The following NEBL variants were observed in gnomAD, a reference collection of about 807,000 sequenced individuals.
NEBL encodes LIM and SH3 protein 2.
A neutral mutation model predicts 140.2 loss-of-function variants in NEBL; 122 were observed. That is an observed-to-expected ratio of 0.87 (90% CI 0.75 to 1.01). The LOEUF (loss-of-function observed/expected upper bound fraction) is 1.01, where lower values mean the gene tolerates loss of function less well. Ranked by LOEUF, NEBL falls within the 50% of genes least tolerant of loss-of-function variation. The pLI, the probability that NEBL is intolerant of heterozygous loss-of-function variation, is 0.00. For missense variants in NEBL, 1,365 were observed against 1,231.3 expected (o/e 1.11, Z -1.62); for synonymous variants, 436 against 398.9 (o/e 1.09, Z -1.11).
intron 1 of NEBL, among the ~76,000 whole-genome samples, chr10:21,261,569 C>T (rs1304132929): frequency 6.6e-6 from 1 of 151,666 alleles, no homozygotes; most frequent in African/African-American, 2.4e-5. Context: ...ATTGCTTAGG[C>T]CCGGGAGGCT....
chr10:21,099,087 C>T (rs1209041026), intron 2 of NEBL, among the ~76,000 whole-genome samples: 7 of 152,286 alleles, frequency 4.6e-5, no homozygotes, highest in African/African-American at 1.4e-4. Flanking sequence ...GAGCCATGAT[C>T]GTGCCACTGC....
chr10:20,974,898 G>A (rs1273038840), intron 3 of NEBL, among the ~76,000 whole-genome samples: 1 of 152,148 alleles, frequency 6.6e-6, no homozygotes, highest in South Asian at 2.1e-4. Context: ...CCCAAACTTT[G>A]TTAACATTAT....
At chr10:20,802,161 C>T (rs1215847708) in intron 26 of NEBL, among the ~76,000 whole-genome samples, 1 of 152,094 alleles carries the variant, frequency 6.6e-6, no homozygotes, top group Non-Finnish European at 1.5e-5. Context: ...ACTTTCAATA[C>T]CAGAAAACTG....
At chr10:20,825,222 A>AC (rs1020535690) in intron 18 of NEBL, among the ~76,000 whole-genome samples, 6 of 152,206 alleles carry the variant, frequency 3.9e-5, no homozygotes, top group African/African-American at 1.4e-4. Context: ...CTGCATAATG[A>AC]CCAAGTGACC....
intron 2 of NEBL, among the ~76,000 whole-genome samples, chr10:21,112,214 A>G (rs1054744745): frequency 6.6e-6 from 1 of 152,220 alleles, no homozygotes; most frequent in Non-Finnish European, 1.5e-5. Flanking sequence ...TAGAAATACC[A>G]TTTGACCCAG....
chr10:20,952,294 G>T (rs1046971057), intron 4 of NEBL, among the ~76,000 whole-genome samples: 2 of 151,960 alleles, frequency 1.3e-5, no homozygotes, highest in African/African-American at 4.8e-5. Flanking sequence ...AAAATTAGCT[G>T]GGCGTGGTGC....
intron 5 of NEBL, among the ~76,000 whole-genome samples, chr10:20,870,954 A>G (rs1490287152): frequency 1.3e-5 from 2 of 152,238 alleles, no homozygotes; most frequent in Non-Finnish European, 2.9e-5. Context: ...TTCACTGGTC[A>G]GCTCACTTCT....
At chr10:21,111,150 T>C (rs1837992623) in intron 2 of NEBL, among the ~76,000 whole-genome samples, 1 of 152,164 alleles carries the variant, frequency 6.6e-6, no homozygotes, top group Non-Finnish European at 1.5e-5. Flanking sequence ...ATCAATATCA[T>C]GAAAATGACC....
At chr10:20,979,618 T>C (rs1257017864) in intron 3 of NEBL, among the ~76,000 whole-genome samples, 1 of 152,232 alleles carries the variant, frequency 6.6e-6, no homozygotes, top group African/African-American at 2.4e-5. Flanking sequence ...ATTCTCTTTA[T>C]TCTGATTGAC....
At chr10:21,287,719 A>C (rs942710401) in intron 1 of NEBL, among the ~76,000 whole-genome samples, 7 of 152,244 alleles carry the variant, frequency 4.6e-5, no homozygotes, top group Non-Finnish European at 1.0e-4. Flanking sequence ...GTTAAATGTT[A>C]GTACATACTG....
chr10:21,242,707 A>G (rs895551558), intron 3 of NEBL, among the ~76,000 whole-genome samples: 3 of 152,196 alleles, frequency 2.0e-5, no homozygotes, highest in African/African-American at 7.2e-5. Context: ...TAATAATCCT[A>G]TAGGTAGTTT....
At chr10:20,823,957 C>T (rs1839602417) in intron 18 of NEBL, among the ~76,000 whole-genome samples, 2 of 152,134 alleles carry the variant, frequency 1.3e-5, no homozygotes, top group African/African-American at 2.4e-5. Flanking sequence ...AGGAAAAGCT[C>T]ACCTTTATCC....
In NEBL at chr10:20,966,623, G is replaced by T. The variant is rs138474409; in HGVS notation, c.250-4844C>A. Among the ~76,000 whole-genome samples, 73 of 152,324 alleles carry T rather than the reference G, an allele frequency of 4.8e-4. No homozygotes were observed. The East Asian group carries it at 0.013, about 28-fold the overall frequency. On this transcript the variant is annotated intron_variant, in intron 3 of 6. Coordinates refer to the NEBL transcript ENST00000417816. ...ATTAGCTCTCCCAAGTTCATGCAGG[G>T]TGACAGCCTGGACACCGGAGCAGTT...
intron 3 of NEBL, among the ~76,000 whole-genome samples, chr10:21,209,291 T>G (rs919424604): frequency 1.3e-5 from 2 of 152,154 alleles, no homozygotes; most frequent in African/African-American, 4.8e-5. Flanking sequence ...TAGGGAAGGG[T>G]TGCCAGATAA....
chr10:20,823,100 T>G (rs1715707225), intron 19 of NEBL, 108 bp downstream of exon 19: 2 of 803,788 alleles, frequency 2.5e-6, no homozygotes, highest in Non-Finnish European at 4.0e-6. Flanking sequence ...ACCGATCCTC[T>G]CGCAATGAGG....
intron 1 of NEBL, among the ~76,000 whole-genome samples, chr10:21,272,411 C>T (rs1842871640): frequency 6.6e-6 from 1 of 151,808 alleles, no homozygotes; most frequent in Non-Finnish European, 1.5e-5. Flanking sequence ...TAGCAAGATC[C>T]TGTCTATACA....
In NEBL at chr10:21,234,019, A is replaced by ATAGATAGT. The variant is rs892293714; in HGVS notation, n.348+13901_348+13902insACTATCTA. On this transcript the variant is annotated intron_variant and non_coding_transcript_variant, in intron 3 of 8. Transcript: ENST00000675702. ...ATTTAGGAGATTGTGAGATAGATAG[A>ATAGATAGT]TAGATAGATAGATAGATAGATAGAT... Among the ~76,000 whole-genome samples the ATAGATAGT allele has an allele frequency of 1.9e-4, 26 of 136,732 alleles. No individual in the cohort carries two copies. The South Asian group carries it at 2.0e-3, about 11-fold the overall frequency. The allele number at this position is 136,732 out of a possible 152,430, so 89.7% of individuals were successfully genotyped here. A position where few individuals can be genotyped will look rare whatever the true frequency, so the allele number is the denominator to read the frequency against.
At chr10:21,039,274 G>T (rs1356916298) in intron 2 of NEBL, among the ~76,000 whole-genome samples, 2 of 151,908 alleles carry the variant, frequency 1.3e-5, no homozygotes, top group Admixed American at 6.6e-5. Flanking sequence ...CATTGCTTTT[G>T]GTGTTTTAGT....
intron 2 of NEBL, among the ~76,000 whole-genome samples, chr10:21,126,987 A>T (rs1011579132): frequency 1.3e-5 from 2 of 151,254 alleles, no homozygotes; most frequent in African/African-American, 2.4e-5. Context: ...AAAAAAAAAA[A>T]AAAAAAAAAA....
Sources: gnomAD v4.1 joint callset for allele counts (sites outside exome capture counted in the v4.1 genomes callset) on GRCh38, gnomAD v4.1.1 for gene constraint, MANE v1.5 for transcripts, NCBI Gene and HGNC (gene_info 2026-07-23, HGNC 2026-07-21) for gene names.